The following UNC13C variants were observed in gnomAD, a reference collection of about 807,000 sequenced individuals.
UNC13C encodes the protein unc-13 homolog C, also known as protein unc-13 homolog C.
A neutral mutation model predicts 245.4 loss-of-function variants in UNC13C; 174 were observed. The observed-to-expected ratio is 0.71, with a 90% CI of 0.63 to 0.80. The LOEUF is 0.80. UNC13C is among the 30% of genes least tolerant of loss of function. UNC13C has a pLI of 0.00. For missense variants in UNC13C, 2,829 were observed against 2,602.9 expected, an observed-to-expected ratio of 1.09 and a Z score of -1.89; for synonymous variants, 992 against 895.1, an observed-to-expected ratio of 1.11 and a Z score of -1.93.
At chr15:54,584,662 C>G (rs1013721260) in intron 30 of UNC13C, among the ~76,000 whole-genome samples, 3 of 152,252 alleles carry the variant, frequency 2.0e-5, no homozygotes, top group Non-Finnish European at 4.4e-5. Context: ...GTAAGTGTTA[C>G]AGTCCATTTA....
At chr15:53,909,489 C>T in the UNC13C span, among the ~76,000 whole-genome samples, 29 of 146,596 alleles carry the variant, frequency 2.0e-4, 1 homozygote, top group African/African-American at 6.1e-4. Flanking sequence ...CGTGGTGGCT[C>T]ACGCCTGTAA....
chr15:54,050,711 T>G (rs1566974968), intron 2 of UNC13C: 2 of 561,288 alleles, frequency 3.6e-6, no homozygotes, highest in East Asian at 4.6e-5. Flanking sequence ...AGGGTAAATA[T>G]CATCAGGAAG....
intron 13 of UNC13C, among the ~76,000 whole-genome samples, chr15:54,311,870 T>C (rs147813596): frequency 2.6e-4 from 39 of 151,906 alleles, no homozygotes; most frequent in African/African-American, 9.2e-4. Context: ...GTTTATGTAG[T>C]TTTCTTCAAA....
intron 29 of UNC13C, among the ~76,000 whole-genome samples, chr15:54,559,762 A>G (rs1352032479): frequency 6.6e-6 from 1 of 151,986 alleles, no homozygotes; most frequent in East Asian, 1.9e-4. Context: ...GCAGGCCTAT[A>G]GAAAACACAG....
intron 30 of UNC13C, among the ~76,000 whole-genome samples, chr15:54,601,584 ACT>A (rs1432936205): frequency 6.6e-6 from 1 of 152,112 alleles, no homozygotes; most frequent in Non-Finnish European, 1.5e-5. Context: ...ATTAACTTTG[ACT>A]CTGTCAGCAG....
chr15:54,081,064 T>C (rs1436666066), intron 2 of UNC13C, among the ~76,000 whole-genome samples: 3 of 152,060 alleles, frequency 2.0e-5, no homozygotes, highest in Admixed American at 6.5e-5. Flanking sequence ...TAGTTGCTTA[T>C]TCAAAAGCCA....
At chr15:54,198,027 G>A (rs777593754) in intron 4 of UNC13C, among the ~76,000 whole-genome samples, 2 of 152,106 alleles carry the variant, frequency 1.3e-5, no homozygotes, top group Non-Finnish European at 1.5e-5. Context: ...CTGTGTGGGA[G>A]TGGGGTGAGG....
chr15:54,166,440 T>A (rs936176841), intron 4 of UNC13C, among the ~76,000 whole-genome samples: 1 of 149,838 alleles, frequency 6.7e-6, no homozygotes, highest in Non-Finnish European at 1.5e-5. Context: ...GTAACCAAAT[T>A]GTGTTTAGTT....
At chr15:54,101,328 T>C (rs1283565297) in intron 2 of UNC13C, among the ~76,000 whole-genome samples, 1 of 152,204 alleles carries the variant, frequency 6.6e-6, no homozygotes, top group Non-Finnish European at 1.5e-5. Context: ...TTTCTCTGCC[T>C]CTGTCTTTTA....
At chr15:54,221,670 T>A (rs199499328) in intron 4 of UNC13C, among the ~76,000 whole-genome samples, 21 of 137,970 alleles carry the variant, frequency 1.5e-4, no homozygotes, top group East Asian at 1.3e-3. Flanking sequence ...CTAAAAAAAA[T>A]AAGATTAATC....
Position 54,548,183 on chromosome 15 carries a change from T to C in UNC13C, c.5820+1338T>C, listed in dbSNP as rs1566901739. On this transcript the variant is annotated intron_variant, in intron 27 of 32. Transcript: ENST00000260323. ...TCAGCCCACTTTTGAACTCTTGTTT[T>C]GTTGTTGTTGTTTTGTTTCTTTTGC... Among the ~76,000 whole-genome samples the C allele has an allele frequency of 7.3e-5, 11 of 151,446 alleles. No homozygotes were observed. In the South Asian group the frequency reaches 2.3e-3, roughly 32 times the overall value.
intron 19 of UNC13C, among the ~76,000 whole-genome samples, chr15:54,483,112 T>C (rs1454504976): frequency 6.6e-6 from 1 of 152,248 alleles, no homozygotes; most frequent in Admixed American, 6.5e-5. Flanking sequence ...ATTTGTAATC[T>C]TATTCTCTAA....
At chr15:54,538,225 C>G (rs1316584446) in intron 26 of UNC13C, among the ~76,000 whole-genome samples, 1 of 141,880 alleles carries the variant, frequency 7.0e-6, no homozygotes, top group Non-Finnish European at 1.5e-5. Context: ...ATACAAGCAG[C>G]TAACAAGCAT....
intron 13 of UNC13C, among the ~76,000 whole-genome samples, chr15:54,311,558 C>G (rs2037873651): frequency 6.6e-6 from 1 of 151,458 alleles, no homozygotes; most frequent in Non-Finnish European, 1.5e-5. Flanking sequence ...TTTTGATTTT[C>G]ACATATTCAC....
intron 16 of UNC13C, 53 bp from the exon 17 acceptor site, chr15:54,338,308 G>T: frequency 1.3e-6 from 2 of 1,581,150 alleles, no homozygotes; most frequent in African/African-American, 1.3e-5. Flanking sequence ...GTTTATACTA[G>T]ATTACAATGT....
intron 2 of UNC13C, among the ~76,000 whole-genome samples, chr15:54,134,615 G>C (rs1235362424): frequency 6.6e-6 from 1 of 152,016 alleles, no homozygotes; most frequent in Non-Finnish European, 1.5e-5. Context: ...CGCCCCCAGG[G>C]TTCACGCCAT....
At chr15:54,581,097 A>C (rs569771465) in intron 30 of UNC13C, among the ~76,000 whole-genome samples, 3 of 152,238 alleles carry the variant, frequency 2.0e-5, no homozygotes, top group Non-Finnish European at 4.4e-5. Context: ...GCTAGATGCC[A>C]GATGAATCTA....
At chr15:54,335,990 G>T (rs1369168679) in intron 16 of UNC13C, among the ~76,000 whole-genome samples, 1 of 151,738 alleles carries the variant, frequency 6.6e-6, no homozygotes, top group African/African-American at 2.4e-5. Context: ...TAGAAGTGAC[G>T]TTGCATTATC....
At chr15:54,127,400 T>C (rs915862041) in intron 2 of UNC13C, among the ~76,000 whole-genome samples, 6 of 152,204 alleles carry the variant, frequency 3.9e-5, no homozygotes, top group Non-Finnish European at 8.8e-5. Context: ...TTCATGACCT[T>C]TGCAGGGACA....
Sources: allele counts gnomAD v4.1 joint callset (sites outside exome capture counted in the v4.1 genomes callset), GRCh38; gene constraint gnomAD v4.1.1; transcripts MANE v1.5; gene names NCBI Gene and HGNC (gene_info 2026-07-23, HGNC 2026-07-21).